Variants in STAB1 observed in about 807,000 individuals in gnomAD.
The protein encoded by STAB1 is stabilin 1.
STAB1 carries 250 observed loss-of-function variants against 332.4 expected under a neutral mutation model. The ratio of observed to expected loss-of-function variants is 0.75; its 90% CI spans 0.68 to 0.84. The LOEUF (loss-of-function observed/expected upper bound fraction) is 0.84, where lower values mean the gene tolerates loss of function less well. Ranked by LOEUF, STAB1 falls within the 40% of genes least tolerant of loss-of-function variation. STAB1 has a pLI of 0.00. For synonymous variants in STAB1, 1,475 were observed against 1,390.4 expected (o/e 1.06, Z -1.35); for missense variants, 3,249 against 3,489.7 (o/e 0.93, Z 1.74).
chr3:52,509,543 A>C, intron 22 of STAB1: 1 of 592,898 alleles, frequency 1.7e-6, no homozygotes, highest in Non-Finnish European at 3.0e-6. Flanking sequence ...AAGATTTGAG[A>C]ACAGAAAGGA....
chr3:52,511,243 A>T (rs1020930418), intron 25 of STAB1, among the ~76,000 whole-genome samples: 2 of 152,168 alleles, frequency 1.3e-5, no homozygotes, highest in Admixed American at 1.3e-4. Context: ...GGACACTGGC[A>T]TTTGGTTGGG....
intron 5 of STAB1, among the ~76,000 whole-genome samples, 174 bp from the exon 6 acceptor site, chr3:52,502,458 G>A (rs111355725): frequency 6.6e-6 from 1 of 152,318 alleles, no homozygotes; most frequent in African/African-American, 2.4e-5. Flanking sequence ...CCCAGGCCGG[G>A]CCAGTGCCTT....
intron 5 of STAB1, 109 bp from the exon 6 acceptor site, chr3:52,502,523 T>C: frequency 9.9e-7 from 1 of 1,008,732 alleles, no homozygotes; most frequent in Non-Finnish European, 1.5e-6. Flanking sequence ...ACTCTTAAGG[T>C]TGTACCTGCC....
In STAB1 at chr3:52,518,859, G is replaced by C; in HGVS notation, c.5024G>C (p.Ser1675Thr). ...TALSGHPLRF[S>T]EREGSIYLND... ...CTCTCAGGGCACCCACTGCGCTTCA[G>C]CGAGAGGGAGGTGAGCCCTGGCCCT... The change falls in exon 48 of 69, where the codon AGC becomes ACC. Residue 1675 changes from serine (S) to threonine (T), a missense_variant. Physicochemically the swap from Ser to Thr is moderately conservative, Grantham distance 58 (BLOSUM62 1). Coordinates refer to ENST00000321725, the MANE Select transcript of STAB1 (RefSeq NM_015136.3). The C allele has an allele frequency of 6.3e-7, 1 of 1,591,886 alleles. No individual in the cohort carries two copies. The highest frequency in any genetic ancestry group is 8.5e-7 in the Non-Finnish European group (1 of 1,173,438).
At chr3:52,504,356 AC>A (rs1335546713) in intron 10 of STAB1, 104 bp from the exon 11 acceptor site, 50 of 1,378,278 alleles carry the variant, frequency 3.6e-5, no homozygotes, top group Non-Finnish European at 4.8e-5. Context: ...TAGGGAGAAT[AC>A]CCCCACCCCA....
rs367762930 is a variant in STAB1 at position 52,512,833 on chromosome 3, C to T, written c.3033C>T (p.Ala1011=). The stretch of plus-strand genomic sequence containing the variant: ...TGCTCCCTGTGTGCGTGCAGAGTGC[C>T]GGCATCACGCTTCCTGCCGACCGCC... The part of the protein sequence containing the change: ...FSIFYQWLKS[A]GITLPADRRV... Residue 1011 remains alanine (A), a synonymous_variant, in exon 29 of 69, where the codon GCC becomes GCT. Transcript: ENST00000321725. 1.3e-5 allele frequency: 21 copies of T among 1,608,808 alleles called. No homozygotes were observed. Among genetic ancestry groups the T allele is most frequent in the South Asian group, 4.4e-5 (4 of 90,998 alleles).
At chr3:52,510,114 T>G (rs747467774) in intron 23 of STAB1, 28 bp from the exon 24 acceptor site, 3 of 1,613,820 alleles carry the variant, frequency 1.9e-6, no homozygotes, top group South Asian at 2.2e-5. Flanking sequence ...TGAGGCTCAC[T>G]GGAGCCCCCT....
At chr3:52,508,437 T>C in intron 21 of STAB1, 78 bp downstream of exon 21, 1 of 1,428,568 alleles carries the variant, frequency 7.0e-7, no homozygotes, top group South Asian at 1.2e-5. Context: ...ACTGGCTGTG[T>C]GTCTGGGCCA....
rs747649935 is a variant in STAB1, at chr3:52,520,118, G to A, written c.5410G>A (p.Glu1804Lys). Residue 1804 changes from glutamate to lysine, a missense_variant and splice_region_variant, in exon 51 of 69, where the codon GAG becomes AAG. Coordinates refer to ENST00000321725, the MANE Select transcript of STAB1 (RefSeq NM_015136.3). ...GCGGGGCCACATGATTCGCAATGTC[G>A]AGGTGGGTGCAGCCCCCAACCTTGG... ...ILRGHMIRNVEALASDLPNLG... is the reference protein window; with the variant it reads ...ILRGHMIRNVKALASDLPNLG... The A allele has an allele frequency of 3.2e-5, 51 of 1,609,954 alleles. No homozygotes were observed. The highest frequency in any genetic ancestry group is 4.3e-5 in the Non-Finnish European group (51 of 1,177,720).
rs778717421 is a variant in STAB1 at position 52,510,199 on chromosome 3, C to T, written c.2592C>T (p.Pro864=). 6 of 1,614,050 alleles carry T rather than the reference C, an allele frequency of 3.7e-6. No homozygotes were observed. Among genetic ancestry groups the T allele is most frequent in the Non-Finnish European group, 5.1e-6 (6 of 1,180,032 alleles). ...GDGFSCTPSN[P]CSHPDRGGCS... ...GCTTCTCCTGCACACCTAGCAACCC[C>T]TGCTCCCACCCGGACCGTGGAGGCT... The change falls in exon 24 of 69, where the codon CCC becomes CCT. Residue 864 remains proline, a synonymous_variant. Transcript: ENST00000321725.
At position 52,510,481 on chromosome 3, in the gene STAB1, C is replaced by A. The variant is rs1321592548; in HGVS notation, c.2761C>A (p.Leu921Ile). ...DMRGGCHTDALCSYVGPGQSR... is the reference protein window; with the variant it reads ...DMRGGCHTDAICSYVGPGQSR... ...GAGAGGTGGCTGCCACACCGATGCCCTCTGCAGCTATGTGGGCCCCGGGCA... is the reference window on the plus strand; with the variant it reads ...GAGAGGTGGCTGCCACACCGATGCCATCTGCAGCTATGTGGGCCCCGGGCA... The change falls in exon 25 of 69, where the codon CTC (leucine) becomes ATC (isoleucine). Residue 921 changes from leucine to isoleucine, a missense_variant. Leu to Ile is a conservative substitution (Grantham distance 5). Coordinates refer to ENST00000321725, the MANE Select transcript of STAB1 (RefSeq NM_015136.3). 5 of 1,613,490 alleles carry A rather than the reference C, an allele frequency of 3.1e-6. No individual in the cohort carries two copies. The Admixed American group carries it at 8.3e-5, about 27-fold the overall frequency.
intron 48 of STAB1, 30 bp from the exon 49 acceptor site, chr3:52,519,234 T>C: frequency 6.3e-7 from 1 of 1,598,880 alleles, no homozygotes; most frequent in Non-Finnish European, 8.5e-7. Context: ...CCCACCTATC[T>C]GCTTCATCAG....
intron 48 of STAB1, among the ~76,000 whole-genome samples, 192 bp downstream of exon 48, chr3:52,519,061 A>G (rs991229529): frequency 6.6e-6 from 1 of 151,056 alleles, no homozygotes; most frequent in Non-Finnish European, 1.5e-5. Flanking sequence ...TGTCCTGCCC[A>G]GCGCCCTTGT....
At position 52,506,767 on chromosome 3, in the gene STAB1, A is replaced by G; in HGVS notation, c.1906A>G (p.Met636Val). Reference sequence around the variant, plus strand: ...GATGGCCGCCAATGGTGTGATCCACATGCTGGACGGCATCCTGCTGCCCCC... The same window carrying G: ...GATGGCCGCCAATGGTGTGATCCACGTGCTGGACGGCATCCTGCTGCCCCC... The part of the protein sequence containing the change: ...DVMAANGVIH[M>V]LDGILLPPTI... The change falls in exon 18 of 69, where the codon ATG (methionine) becomes GTG (valine). Residue 636 changes from methionine (M) to valine (V), a missense_variant. Coordinates refer to ENST00000321725, the MANE Select transcript of STAB1 (RefSeq NM_015136.3). The G allele has an allele frequency of 6.2e-7, 1 of 1,612,808 alleles. No homozygotes were observed. Among genetic ancestry groups the G allele is most frequent in the Non-Finnish European group, 8.5e-7 (1 of 1,179,624 alleles).
At chr3:52,501,846 CTTGT>C in intron 3 of STAB1, 93 bp downstream of exon 3, 4 of 1,395,828 alleles carry the variant, frequency 2.9e-6, no homozygotes, top group Non-Finnish European at 4.0e-6. Flanking sequence ...TCCCCTTCAA[CTTGT>C]TTGTTTAATT....
At position 52,514,693 on chromosome 3, in the gene STAB1, C is replaced by A. The variant is rs757218343; in HGVS notation, c.3679-8C>A. On this transcript the variant is annotated splice_region_variant and splice_polypyrimidine_tract_variant and intron_variant, in intron 34 of 68. Transcript: ENST00000321725. ...GTGGGTGGATTCAGCCTCCATCCCT[C>A]TCCCCAGCCTGAGGTGAACCATGTG... The A allele has an allele frequency of 1.9e-6, 3 of 1,612,902 alleles. No homozygotes were observed. The highest frequency in any genetic ancestry group is 2.7e-5 in the African/African-American group (2 of 74,936).
At position 52,502,233 on chromosome 3, in the gene STAB1, G is replaced by T; in HGVS notation, c.487+5G>T. ...TCGGGCCTGACTGCCAATCGGGTGA[G>T]TGCTTAAAAGGCAAGAGGGCACGGC... On this transcript the variant is annotated splice_donor_5th_base_variant and intron_variant, in intron 5 of 68. Coordinates refer to ENST00000321725, the MANE Select transcript of STAB1 (RefSeq NM_015136.3). The T allele has an allele frequency of 1.2e-6, 2 of 1,610,500 alleles. No individual in the cohort carries two copies. Among genetic ancestry groups the T allele is most frequent in the East Asian group, 2.2e-5 (1 of 44,880 alleles).
At chr3:52,498,468 G>A (rs1351251908) in intron 1 of STAB1, among the ~76,000 whole-genome samples, 1 of 152,238 alleles carries the variant, frequency 6.6e-6, no homozygotes, top group African/African-American at 2.4e-5. Flanking sequence ...TCTCGGAGAA[G>A]CACTGATGTG....
chr3:52,504,922 G>A (rs765348804), intron 12 of STAB1, 46 bp downstream of exon 12: 1 of 1,613,202 alleles, frequency 6.2e-7, no homozygotes, highest in Admixed American at 1.7e-5. Flanking sequence ...TCACAGCCTG[G>A]CAAGGGTGTG....
Sources: allele counts gnomAD v4.1 joint callset (sites outside exome capture counted in the v4.1 genomes callset), GRCh38; gene constraint gnomAD v4.1.1; transcripts MANE v1.5; gene names NCBI Gene and HGNC (gene_info 2026-07-23, HGNC 2026-07-21).